PRUNE2: variants seen among roughly 807,000 people sequenced by gnomAD.
PRUNE2 encodes the protein protein prune homolog 2.
Under a neutral mutation model 252.0 loss-of-function variants are expected in PRUNE2, and 164 were observed. The observed-to-expected ratio is 0.65, with a 90% CI of 0.57 to 0.74. The LOEUF is 0.74. Ranked by LOEUF, PRUNE2 falls within the 30% of genes least tolerant of loss-of-function variation. The pLI is 0.00. For synonymous variants in PRUNE2, 1,292 were observed against 1,350.2 expected, an observed-to-expected ratio of 0.96 and a Z score of 0.94; for missense variants, 3,495 against 3,711.0, an observed-to-expected ratio of 0.94 and a Z score of 1.51.
chr9:76,670,269 T>C (rs1466682811), intron 9 of PRUNE2, among the ~76,000 whole-genome samples: 5 of 152,042 alleles, frequency 3.3e-5, no homozygotes, highest in Non-Finnish European at 5.9e-5. Context: ...GTTCCCTTTC[T>C]GAGTCAAAGA....
chr9:76,783,985 G>A (rs2054703351), intron 6 of PRUNE2: 1 of 152,070 alleles, frequency 6.6e-6, no homozygotes, highest in African/African-American at 2.4e-5. Context: ...TGTCCTCCCG[G>A]AATCCACTAC....
chr9:76,781,509 C>T (rs913574153), intron 6 of PRUNE2, among the ~76,000 whole-genome samples: 1 of 152,182 alleles, frequency 6.6e-6, no homozygotes, highest in Non-Finnish European at 1.5e-5. Flanking sequence ...ATTGTATATG[C>T]TTGGTTTATA....
intron 6 of PRUNE2, among the ~76,000 whole-genome samples, chr9:76,726,499 G>C (rs1232619622): frequency 4.6e-5 from 7 of 152,174 alleles, no homozygotes; most frequent in African/African-American, 1.4e-4. Flanking sequence ...GGAGAATCAT[G>C]ATGCTTGGAA....
chr9:76,751,693 C>T (rs1444659579), intron 6 of PRUNE2, among the ~76,000 whole-genome samples: 6 of 152,184 alleles, frequency 3.9e-5, no homozygotes, highest in African/African-American at 1.4e-4. Flanking sequence ...ACCGAAAATA[C>T]TACTAGAAAC....
chr9:76,837,746 C>T (rs1006599337), intron 4 of PRUNE2, among the ~76,000 whole-genome samples: 4 of 150,198 alleles, frequency 2.7e-5, no homozygotes, highest in Non-Finnish European at 5.9e-5. Flanking sequence ...CCAGGAAGCT[C>T]GTATCCAAAG....
Position 76,708,891 on chromosome 9 carries a change from G to C in PRUNE2, c.3383C>G (p.Thr1128Arg), listed in dbSNP as rs1269894808. Reference protein sequence around the residue: ...VILEDTQSTATISDMDNDLDW... With the variant: ...VILEDTQSTARISDMDNDLDW... ...CAAATCATTGTCCATATCTGAGATC[G>C]TTGCAGTGGACTGAGTATCCTCCAA... The change falls in exon 8 of 19, where the codon ACG becomes AGG. Residue 1128 changes from threonine (T) to arginine (R), a missense_variant. Physicochemically the swap from Thr to Arg is moderately conservative, Grantham distance 71. Coordinates refer to ENST00000376718, the MANE Select transcript of PRUNE2 (RefSeq NM_015225.3). The C allele has an allele frequency of 6.2e-7, 1 of 1,613,938 alleles. No individual in the cohort carries two copies. The highest frequency in any genetic ancestry group is 8.5e-7 in the Non-Finnish European group (1 of 1,179,886).
chr9:76,652,942 A>ATACTT (rs539358460), intron 10 of PRUNE2, among the ~76,000 whole-genome samples: 2 of 152,158 alleles, frequency 1.3e-5, no homozygotes, highest in African/African-American at 2.4e-5. Context: ...TAAGTAAGGG[A>ATACTT]TACTTAACCT....
At chr9:76,877,828 A>T (rs1372011846) in intron 1 of PRUNE2, among the ~76,000 whole-genome samples, 1 of 152,230 alleles carries the variant, frequency 6.6e-6, no homozygotes, top group Non-Finnish European at 1.5e-5. Flanking sequence ...TCCAGCCACT[A>T]GGGCTTAGAG....
At chr9:76,770,515 T>C (rs1008553980) in intron 6 of PRUNE2, among the ~76,000 whole-genome samples, 5 of 152,186 alleles carry the variant, frequency 3.3e-5, no homozygotes, top group African/African-American at 7.2e-5. Flanking sequence ...TTTCATGAAA[T>C]TGACATTCAT....
chr9:76,676,585 T>A (rs1253511237), intron 9 of PRUNE2, among the ~76,000 whole-genome samples: 2 of 152,180 alleles, frequency 1.3e-5, no homozygotes, highest in African/African-American at 4.8e-5. Flanking sequence ...TACATTTGAT[T>A]CACTTACTTT....
chr9:76,896,958 C>T (rs1000832509), intron 1 of PRUNE2, among the ~76,000 whole-genome samples: 4 of 152,226 alleles, frequency 2.6e-5, no homozygotes, highest in Admixed American at 6.5e-5. Flanking sequence ...AAGCTAATCA[C>T]ACACATTCTC....
chr9:76,671,382 T>G (rs1379563568), intron 9 of PRUNE2, among the ~76,000 whole-genome samples: 1 of 149,918 alleles, frequency 6.7e-6, no homozygotes, highest in Non-Finnish European at 1.5e-5. Flanking sequence ...GAGCAAAGCC[T>G]CCAAGAAATA....
chr9:76,629,311 A>C, intron 15 of PRUNE2, 21 bp from the exon 16 acceptor site: 1 of 1,284,638 alleles, frequency 7.8e-7, no homozygotes, highest in Non-Finnish European at 1.1e-6. Context: ...AAAAAAGAAA[A>C]AAATATGTAT....
Position 76,710,666 on chromosome 9 carries a change from A to G in PRUNE2, c.1608T>C (p.Pro536=). 2.5e-6 allele frequency: 4 copies of G among 1,612,246 alleles called. No homozygotes were observed. The highest frequency in any genetic ancestry group is 1.7e-4 in the Middle Eastern group (1 of 6,048). Residue 536 remains proline (P), a synonymous_variant, in exon 8 of 19, where the codon CCT becomes CCC. Coordinates refer to ENST00000376718, the MANE Select transcript of PRUNE2 (RefSeq NM_015225.3). ...DLSEGQLPAG[P]EGLDGMGTNM... ...TGGTTCCCATGCCATCAAGTCCTTC[A>G]GGCCCAGCGGGGAGCTGTCCTTCTG...
intron 6 of PRUNE2, among the ~76,000 whole-genome samples, chr9:76,721,735 A>G (rs1490359909): frequency 6.6e-6 from 1 of 152,230 alleles, no homozygotes; most frequent in Non-Finnish European, 1.5e-5. Context: ...GAAATTTAAG[A>G]GTACAGTTTG....
intron 6 of PRUNE2, among the ~76,000 whole-genome samples, chr9:76,792,408 A>G (rs1589255167): frequency 6.6e-6 from 1 of 152,132 alleles, no homozygotes; most frequent in East Asian, 1.9e-4. Flanking sequence ...GTATGTCCTT[A>G]TTAGCAGCGT....
intron 6 of PRUNE2, among the ~76,000 whole-genome samples, chr9:76,780,830 G>A (rs969413614): frequency 7.2e-5 from 11 of 152,318 alleles, no homozygotes; most frequent in Non-Finnish European, 1.3e-4. Context: ...CTCCTCCATC[G>A]TATCGGGAGA....
intron 4 of PRUNE2, among the ~76,000 whole-genome samples, chr9:76,842,705 C>T (rs1026394582): frequency 1.2e-4 from 18 of 151,854 alleles, no homozygotes; most frequent in African/African-American, 4.1e-4. Context: ...AAAGAAGTGG[C>T]CAACAAACAT....
rs564727052 is a variant in PRUNE2 at position 76,696,701 on chromosome 9, C to T, written c.8276+6636G>A. Among the ~76,000 whole-genome samples, 7 of 152,362 alleles carry T rather than the reference C, an allele frequency of 4.6e-5. No homozygotes were observed. In the South Asian group the frequency reaches 1.4e-3, roughly 32 times the overall value. On this transcript the variant is annotated intron_variant, in intron 9 of 18. Transcript: ENST00000376718. ...TTGGCCTCCCAAAATGCTGGGATTA[C>T]AGGCATGAGGCGCCACGCCCAGCCT...
Sources: gnomAD v4.1 joint callset for allele counts (sites outside exome capture counted in the v4.1 genomes callset) on GRCh38, gnomAD v4.1.1 for gene constraint, MANE v1.5 for transcripts, NCBI Gene and HGNC (gene_info 2026-07-23, HGNC 2026-07-21) for gene names.